Variants in TBC1D22B observed in about 807,000 individuals in gnomAD.
TBC1D22B encodes the protein TBC1 domain family member 22B, also known as chromosome 6 open reading frame 197.
A neutral mutation model predicts 69.1 loss-of-function variants in TBC1D22B; 32 were observed. That is an observed-to-expected ratio of 0.46 (90% CI 0.35 to 0.62). TBC1D22B has a LOEUF of 0.62. Ranked by LOEUF, TBC1D22B falls within the 20% of genes least tolerant of loss-of-function variation. The pLI is 0.00. For synonymous variants in TBC1D22B, 206 were observed against 229.8 expected (o/e 0.90, Z 0.94); for missense variants, 462 against 630.9 (o/e 0.73, Z 2.87).
At chr6:37,309,675 G>A (rs547055429) in intron 8 of TBC1D22B, among the ~76,000 whole-genome samples, 1 of 152,290 alleles carries the variant, frequency 6.6e-6, no homozygotes, top group South Asian at 2.1e-4. Flanking sequence ...CTGGAGAAGA[G>A]TCTGCCTGAG....
chr6:37,319,968 A>G (rs997805155), intron 12 of TBC1D22B, among the ~76,000 whole-genome samples: 1 of 152,224 alleles, frequency 6.6e-6, no homozygotes, highest in Admixed American at 6.5e-5. Flanking sequence ...AGCTCTGTAG[A>G]TGAATACAGG....
At position 37,305,607 on chromosome 6, in the gene TBC1D22B, T is replaced by A. The variant is rs1767690752; in HGVS notation, c.983-7311T>A. Among the ~76,000 whole-genome samples, 4 of 151,208 alleles carry A rather than the reference T, an allele frequency of 2.6e-5. 1 individual carries two copies. The South Asian group carries it at 6.3e-4, about 24-fold the overall frequency. ...ATCTTGGCTCACTGCAAGCTCTGCC[T>A]CCCGGGTTCACGCCATTCTCCTGCC... On this transcript the variant is annotated intron_variant, in intron 8 of 12. Coordinates refer to ENST00000373491, the MANE Select transcript of TBC1D22B (RefSeq NM_017772.4).
chr6:37,314,766 T>C (rs1464001342), intron 10 of TBC1D22B, among the ~76,000 whole-genome samples: 1 of 152,050 alleles, frequency 6.6e-6, no homozygotes, highest in African/African-American at 2.4e-5. Context: ...CTTTCTCCCT[T>C]ACCTGCTGCC....
chr6:37,310,907 C>T (rs1033938745), intron 8 of TBC1D22B, among the ~76,000 whole-genome samples: 3 of 152,112 alleles, frequency 2.0e-5, no homozygotes, highest in Non-Finnish European at 4.4e-5. Flanking sequence ...AAATAAAATC[C>T]TTCATTCGTA....
chr6:37,266,777 C>G (rs950717254), intron 1 of TBC1D22B, among the ~76,000 whole-genome samples: 3 of 151,964 alleles, frequency 2.0e-5, no homozygotes, highest in African/African-American at 7.2e-5. Context: ...CTGCCTCATT[C>G]TTTTTAAAAG....
In TBC1D22B at chr6:37,303,830, G is replaced by A. The variant is rs58773724; in HGVS notation, c.983-9088G>A. Among the ~76,000 whole-genome samples, 616 of 152,174 alleles carry A rather than the reference G, an allele frequency of 4.0e-3. 5 individuals are homozygous for A. The highest frequency in any genetic ancestry group is 0.014 in the African/African-American group (588 of 41,478). On this transcript the variant is annotated intron_variant, in intron 8 of 12. Coordinates refer to ENST00000373491, the MANE Select transcript of TBC1D22B (RefSeq NM_017772.4). ...CTTCCCTGGGGTCCCCCTGACCCCC[G>A]GCATCTAATAGTGCTATTTCTGTCA...
chr6:37,314,035 C>A, intron 10 of TBC1D22B, 144 bp downstream of exon 10: 1 of 720,040 alleles, frequency 1.4e-6, no homozygotes, highest in Non-Finnish European at 2.5e-6. Flanking sequence ...GCACCGGGAT[C>A]CTTCCACATC....
intron 9 of TBC1D22B, among the ~76,000 whole-genome samples, chr6:37,313,522 G>A (rs1285852381): frequency 2.0e-5 from 3 of 151,504 alleles, no homozygotes; most frequent in African/African-American, 7.3e-5. Flanking sequence ...TGATGGTGTA[G>A]TGTCCCTTGG....
At chr6:37,264,619 A>G (rs988169201) in intron 1 of TBC1D22B, among the ~76,000 whole-genome samples, 1 of 152,122 alleles carries the variant, frequency 6.6e-6, no homozygotes, top group Non-Finnish European at 1.5e-5. Flanking sequence ...TTATATTATG[A>G]TCTAAATCTA....
chr6:37,283,485 A>G (rs908315754), intron 5 of TBC1D22B, among the ~76,000 whole-genome samples: 1 of 152,252 alleles, frequency 6.6e-6, no homozygotes, highest in Non-Finnish European at 1.5e-5. Flanking sequence ...TTTGCCAGGC[A>G]TAGTGCCAGA....
chr6:37,326,378 A>C (rs1768405018), intron 12 of TBC1D22B, among the ~76,000 whole-genome samples: 1 of 140,586 alleles, frequency 7.1e-6, no homozygotes, highest in South Asian at 2.1e-4. Context: ...CTGCGCCTCA[A>C]AAAAAAAAAA....
intron 2 of TBC1D22B, among the ~76,000 whole-genome samples, chr6:37,274,545 C>A (rs546471772): frequency 4.6e-5 from 7 of 152,174 alleles, no homozygotes. Context: ...TTTCCATGAC[C>A]TTGGGCACAT....
At chr6:37,293,883 C>T (rs1308595914) in intron 8 of TBC1D22B, among the ~76,000 whole-genome samples, 1 of 152,228 alleles carries the variant, frequency 6.6e-6, no homozygotes, top group Non-Finnish European at 1.5e-5. Flanking sequence ...CTAGCCACAA[C>T]ATTCCCTTAA....
In TBC1D22B at chr6:37,257,950, G is replaced by T. The variant is rs1348647125; in HGVS notation, c.33G>T (p.Lys11Asn). 1 of 1,614,176 alleles carries T rather than the reference G, an allele frequency of 6.2e-7. No individual in the cohort carries two copies. ...CTGAGAACAGCAAGCAGTTTTGGAA[G>T]AGGAGCGCTAAGCTGCCGGGGAGGT... MAAENSKQFW[K>N]RSAKLPGSIQ... The change falls in exon 1 of 13, where the codon AAG becomes AAT. Residue 11 changes from lysine to asparagine, a missense_variant. Around this residue, in one of 2 missense-constraint regions of TBC1D22B, gnomAD observed 237 missense variants for 255.4 expected, o/e 0.93. Coordinates refer to ENST00000373491, the MANE Select transcript of TBC1D22B (RefSeq NM_017772.4).
At chr6:37,297,911 T>A (rs1767435909) in intron 8 of TBC1D22B, among the ~76,000 whole-genome samples, 1 of 152,156 alleles carries the variant, frequency 6.6e-6, no homozygotes, top group Non-Finnish European at 1.5e-5. Context: ...TGGATGAAGC[T>A]GGAAACCATC....
chr6:37,314,147 T>C (rs149704), intron 10 of TBC1D22B, among the ~76,000 whole-genome samples: 136,733 of 152,164 alleles, frequency 0.9, 61,502 homozygotes, highest in African/African-American at 0.94. Flanking sequence ...AGCAGCTCTC[T>C]TCAGTACGCC....
At chr6:37,264,280 G>C (rs1025068771) in intron 1 of TBC1D22B, among the ~76,000 whole-genome samples, 2 of 152,090 alleles carry the variant, frequency 1.3e-5, no homozygotes, top group Non-Finnish European at 2.9e-5. Context: ...TAGGAAGGGA[G>C]GGAGGGGTAT....
At chr6:37,283,944 A>G (rs1053895244) in intron 5 of TBC1D22B, among the ~76,000 whole-genome samples, 5 of 152,322 alleles carry the variant, frequency 3.3e-5, no homozygotes, top group Admixed American at 6.5e-5. Context: ...AGAGGTTGCT[A>G]TATCCCTGCA....
chr6:37,322,189 G>A (rs1768271229), intron 12 of TBC1D22B, among the ~76,000 whole-genome samples: 1 of 152,176 alleles, frequency 6.6e-6, no homozygotes, highest in African/African-American at 2.4e-5. Flanking sequence ...AGGGCCATCT[G>A]GGCTAGCAAT....
Sources: allele counts gnomAD v4.1 joint callset (sites outside exome capture counted in the v4.1 genomes callset), GRCh38; gene constraint gnomAD v4.1.1; regional missense constraint gnomAD v4.1.1; transcripts MANE v1.5; gene names NCBI Gene and HGNC (gene_info 2026-07-23, HGNC 2026-07-21).